The following RIMS1 variants were observed in gnomAD, a reference collection of about 807,000 sequenced individuals.
RIMS1 encodes regulating synaptic membrane exocytosis 1, also known as regulating synaptic membrane exocytosis protein 1.
A neutral mutation model predicts 214.1 loss-of-function variants in RIMS1; 83 were observed. The observed-to-expected ratio is 0.39, with a 90% confidence interval of 0.32 to 0.47. The LOEUF is 0.47. Among genes scored for constraint, RIMS1 ranks in the 20% least tolerant of loss-of-function variants. The pLI is 0.99. For synonymous variants in RIMS1, 793 were observed against 786.8 expected, an observed-to-expected ratio of 1.01 and a Z score of -0.13; for missense variants, 2,050 against 2,161.8, an observed-to-expected ratio of 0.95 and a Z score of 1.03.
intron 4 of RIMS1, among the ~76,000 whole-genome samples, chr6:72,151,666 T>C (rs2043608624): frequency 6.6e-6 from 1 of 152,178 alleles, no homozygotes; most frequent in South Asian, 2.1e-4. Context: ...AAAAGGAGTA[T>C]CATATATCTC....
At chr6:71,985,911 C>T (rs1799807384) in intron 2 of RIMS1, among the ~76,000 whole-genome samples, 1 of 152,162 alleles carries the variant, frequency 6.6e-6, no homozygotes, top group South Asian at 2.1e-4. Context: ...GCTGCTTATG[C>T]CTCCTAGGCA....
intron 1 of RIMS1, among the ~76,000 whole-genome samples, chr6:71,934,129 G>A (rs763200689): frequency 1.3e-4 from 20 of 152,286 alleles, no homozygotes; most frequent in Admixed American, 3.9e-4. Flanking sequence ...GCATCAGTGT[G>A]TGCTTAGTTC....
intron 28 of RIMS1, among the ~76,000 whole-genome samples, chr6:72,318,975 C>G (rs149743843): frequency 9.1e-4 from 138 of 152,210 alleles, no homozygotes; most frequent in African/African-American, 3.1e-3. Flanking sequence ...AATATATCAT[C>G]TACCATACTG....
At chr6:71,969,894 A>T (rs1287458785) in intron 2 of RIMS1, among the ~76,000 whole-genome samples, 1 of 129,836 alleles carries the variant, frequency 7.7e-6, no homozygotes, top group East Asian at 2.3e-4. Context: ...GATCCTAATG[A>T]TTAATTAAAT....
chr6:72,259,490 A>G (rs2077108615), intron 18 of RIMS1, among the ~76,000 whole-genome samples: 1 of 152,152 alleles, frequency 6.6e-6, no homozygotes, highest in Non-Finnish European at 1.5e-5. Context: ...TGTTATTTAT[A>G]TAATTTAAAA....
intron 2 of RIMS1, among the ~76,000 whole-genome samples, chr6:71,992,509 T>TCCTCCTCCTCTTCCTCCTCC (rs1345726504): frequency 6.7e-6 from 1 of 149,924 alleles, no homozygotes; most frequent in Non-Finnish European, 1.5e-5. Flanking sequence ...CTTCTTCTCC[T>TCCTCCTCCTCTTCCTCCTCC]CCTCCTCCTC....
intron 6 of RIMS1, among the ~76,000 whole-genome samples, chr6:72,192,163 C>G (rs1036628870): frequency 3.3e-5 from 5 of 152,218 alleles, no homozygotes; most frequent in African/African-American, 1.2e-4. Flanking sequence ...TAAGTTGGAT[C>G]TGAGTTAAAA....
chr6:72,376,443 G>A (rs12201232), intron 29 of RIMS1, among the ~76,000 whole-genome samples: 25,757 of 151,944 alleles, frequency 0.17, 2,689 homozygotes, highest in Non-Finnish European at 0.23. Context: ...GAACTAAGGA[G>A]AGAAAAAAAC....
chr6:72,350,816 C>A (rs996845967), intron 29 of RIMS1, among the ~76,000 whole-genome samples: 2 of 152,038 alleles, frequency 1.3e-5, no homozygotes, highest in African/African-American at 4.8e-5. Context: ...TTTTACAAAG[C>A]CCTTTCATGC....
At chr6:71,919,887 T>G (rs1203033772) in intron 1 of RIMS1, among the ~76,000 whole-genome samples, 2 of 152,172 alleles carry the variant, frequency 1.3e-5, no homozygotes, top group Non-Finnish European at 2.9e-5. Flanking sequence ...TTGCAATTGA[T>G]GGATGATAGC....
rs78345700 is a variant in RIMS1 at position 72,268,890 on chromosome 6, A to G, written c.3398+2841A>G. On this transcript the variant is annotated intron_variant, in intron 22 of 33. Transcript: ENST00000521978. ...GTTTATTTGTAATAAGAAATAATTT[A>G]TCATTTATATCTTCCCATTTCCCTT... 3.0e-3 allele frequency among the ~76,000 whole-genome samples: 452 copies of G among 152,280 alleles called. 2 individuals carry two copies. The highest frequency in any genetic ancestry group is 0.011 in the African/African-American group (442 of 41,560).
intron 4 of RIMS1, among the ~76,000 whole-genome samples, chr6:72,165,052 T>C (rs1156827207): frequency 6.6e-6 from 1 of 152,240 alleles, no homozygotes; most frequent in Non-Finnish European, 1.5e-5. Context: ...TTCTGCTCCA[T>C]ACTCTATATT....
chr6:72,343,321 C>G (rs2154359035), intron 29 of RIMS1, among the ~76,000 whole-genome samples: 1 of 151,646 alleles, frequency 6.6e-6, no homozygotes, highest in South Asian at 2.1e-4. Context: ...AATGATTCAC[C>G]TGTCTTGGGC....
At chr6:71,929,288 T>C (rs1419808427) in intron 1 of RIMS1, among the ~76,000 whole-genome samples, 3 of 152,172 alleles carry the variant, frequency 2.0e-5, no homozygotes, top group African/African-American at 7.2e-5. Context: ...AGTTAATGAC[T>C]AACACTTTGG....
intron 29 of RIMS1, among the ~76,000 whole-genome samples, chr6:72,340,912 T>C (rs2097059528): frequency 1.3e-5 from 2 of 152,152 alleles, no homozygotes; most frequent in African/African-American, 4.8e-5. Context: ...TTCCTATCCA[T>C]GAGCATGGAA....
At chr6:72,227,049 A>T (rs2060397250) in intron 6 of RIMS1, among the ~76,000 whole-genome samples, 1 of 152,040 alleles carries the variant, frequency 6.6e-6, no homozygotes, top group Non-Finnish European at 1.5e-5. Context: ...AATATGGCAG[A>T]TTTAGGATTA....
chr6:71,933,292 A>T (rs1310464847), intron 1 of RIMS1, among the ~76,000 whole-genome samples: 3 of 151,850 alleles, frequency 2.0e-5, no homozygotes, highest in African/African-American at 7.3e-5. Context: ...GTCTGTTTTC[A>T]CCTCGGCATT....
At chr6:71,951,062 C>T (rs1428965645) in intron 1 of RIMS1, among the ~76,000 whole-genome samples, 1 of 152,140 alleles carries the variant, frequency 6.6e-6, no homozygotes, top group Non-Finnish European at 1.5e-5. Flanking sequence ...ATCAAATACA[C>T]TAATGGTCAG....
intron 1 of RIMS1, among the ~76,000 whole-genome samples, chr6:71,951,809 G>A (rs972377283): frequency 6.6e-6 from 1 of 151,920 alleles, no homozygotes; most frequent in African/African-American, 2.4e-5. Context: ...TGCTTGGCCT[G>A]TTTACCTAAA....
Sources: allele counts gnomAD v4.1 joint callset (sites outside exome capture counted in the v4.1 genomes callset), GRCh38; gene constraint gnomAD v4.1.1; transcripts MANE v1.5; gene names NCBI Gene and HGNC (gene_info 2026-07-23, HGNC 2026-07-21).